The following RNF130 variants were observed in gnomAD, a reference collection of about 807,000 sequenced individuals.
RNF130 encodes E3 ubiquitin-protein ligase RNF130.
A neutral mutation model predicts 44.6 loss-of-function variants in RNF130; 21 were observed. That is an observed-to-expected ratio of 0.47 (90% CI 0.33 to 0.68). The LOEUF (loss-of-function observed/expected upper bound fraction) is 0.68, where lower values mean the gene tolerates loss of function less well. Ranked by LOEUF, RNF130 falls within the 30% of genes least tolerant of loss-of-function variation. RNF130 has a pLI of 0.02. For missense variants in RNF130, 479 were observed against 560.6 expected (o/e 0.85, Z 1.47); for synonymous variants, 214 against 210.4 (o/e 1.02, Z -0.15).
At chr5:179,998,857 T>TA (rs1554103671) in intron 3 of RNF130, among the ~76,000 whole-genome samples, 5 of 65,214 alleles carry the variant, frequency 7.7e-5, no homozygotes, top group African/African-American at 3.2e-4. Context: ...ATCTAGTATT[T>TA]TTTATATATA....
chr5:179,976,901 G>A (rs1480750270), intron 5 of RNF130: 1 of 152,174 alleles, frequency 6.6e-6, no homozygotes, highest in Non-Finnish European at 1.5e-5. Flanking sequence ...CTTCTTGGCA[G>A]GTGATTTCCT....
intron 1 of RNF130, among the ~76,000 whole-genome samples, chr5:180,055,440 T>TCTGTGTG (rs57927481): frequency 0.57 from 86,134 of 150,612 alleles, 24,715 homozygotes; most frequent in South Asian, 0.64. Flanking sequence ...TCAGATGACT[T>TCTGTGTG]TGTGTGTGTG....
intron 7 of RNF130, among the ~76,000 whole-genome samples, chr5:179,935,031 T>G (rs1388988805): frequency 6.6e-6 from 1 of 152,244 alleles, no homozygotes; most frequent in Non-Finnish European, 1.5e-5. Context: ...TACGTAAGTT[T>G]TGATATGTCA....
intron 8 of RNF130, among the ~76,000 whole-genome samples, chr5:179,958,871 G>T (rs746018925): frequency 7.9e-5 from 12 of 152,020 alleles, no homozygotes; most frequent in Non-Finnish European, 1.0e-4. Context: ...AGTAGAGATG[G>T]GGCTTCACCG....
intron 7 of RNF130, among the ~76,000 whole-genome samples, chr5:179,945,675 G>A (rs1246560946): frequency 6.6e-6 from 1 of 152,158 alleles, no homozygotes; most frequent in East Asian, 1.9e-4. Flanking sequence ...GAATGTATCG[G>A]AGGTGCAGGT....
intron 7 of RNF130, among the ~76,000 whole-genome samples, chr5:179,949,400 T>C (rs1418082803): frequency 5.9e-5 from 9 of 151,864 alleles, no homozygotes; most frequent in Non-Finnish European, 1.3e-4. Flanking sequence ...CTAGGGCTTA[T>C]AAGAACAAGC....
At chr5:179,963,439 C>T (rs774977926) in intron 8 of RNF130, 32 bp downstream of exon 8, 2 of 1,532,496 alleles carry the variant, frequency 1.3e-6, no homozygotes, top group African/African-American at 2.7e-5. Context: ...GATCATCTGG[C>T]ACATGCAATC....
chr5:180,071,118 C>T (rs2113201403), intron 1 of RNF130, among the ~76,000 whole-genome samples: 1 of 152,324 alleles, frequency 6.6e-6, no homozygotes, highest in East Asian at 1.9e-4. Flanking sequence ...CTGAGACGTC[C>T]TCCCCATGAA....
intron 3 of RNF130, among the ~76,000 whole-genome samples, chr5:179,986,345 CT>C (rs34690283): frequency 6.6e-6 from 1 of 152,216 alleles, no homozygotes; most frequent in African/African-American, 2.4e-5. Context: ...AGCAATACAA[CT>C]TTTTCTTGTA....
intron 7 of RNF130, among the ~76,000 whole-genome samples, chr5:179,948,299 C>T (rs1464873718): frequency 6.6e-6 from 1 of 152,238 alleles, no homozygotes; most frequent in East Asian, 1.9e-4. Flanking sequence ...CAACAGTTAA[C>T]AGTTTCTTCC....
chr5:180,013,004 C>T (rs1483845609), intron 3 of RNF130, 57 bp downstream of exon 3: 3 of 1,557,718 alleles, frequency 1.9e-6, no homozygotes, highest in Non-Finnish European at 2.6e-6. Context: ...ATGGTCACGA[C>T]AGATGACTGT....
intron 3 of RNF130, 127 bp downstream of exon 3, chr5:180,012,934 T>G: frequency 9.2e-7 from 1 of 1,091,706 alleles, no homozygotes; most frequent in Non-Finnish European, 1.3e-6. Flanking sequence ...TCCAACATAT[T>G]AAAATGACTG....
chr5:180,051,439 C>T (rs944846716), intron 1 of RNF130, among the ~76,000 whole-genome samples: 4 of 151,816 alleles, frequency 2.6e-5, no homozygotes, highest in East Asian at 1.9e-4. Flanking sequence ...TTAGTAGAGA[C>T]GGGGTTTCAC....
intron 2 of RNF130, among the ~76,000 whole-genome samples, chr5:180,016,712 C>A (rs1297084509): frequency 1.3e-5 from 2 of 152,228 alleles, no homozygotes; most frequent in African/African-American, 4.8e-5. Context: ...TCTATTCTTT[C>A]CACTTTCATC....
intron 3 of RNF130, among the ~76,000 whole-genome samples, chr5:179,995,509 C>T (rs1763180817): frequency 6.6e-6 from 1 of 152,204 alleles, no homozygotes; most frequent in African/African-American, 2.4e-5. Context: ...TCTGCTGCTG[C>T]TGCTAGGCCA....
intron 3 of RNF130, among the ~76,000 whole-genome samples, chr5:179,999,539 C>T (rs955967313): frequency 3.3e-5 from 5 of 151,716 alleles, no homozygotes; most frequent in African/African-American, 9.7e-5. Context: ...CTGGCCAACA[C>T]GGTGAAACCC....
chr5:179,948,654 G>C (rs1762080956), intron 7 of RNF130, among the ~76,000 whole-genome samples: 1 of 152,152 alleles, frequency 6.6e-6, no homozygotes, highest in Non-Finnish European at 1.5e-5. Context: ...CTGGATGATA[G>C]ATAGAGCGAG....
intron 7 of RNF130, chr5:179,939,775 G>A: frequency 2.4e-6 from 1 of 419,026 alleles, no homozygotes; most frequent in South Asian, 2.0e-5. Context: ...CGACTCCTTT[G>A]ATTCCCAAAA....
downstream of RNF130, among the ~76,000 whole-genome samples, chr5:179,950,522 G>T (rs1356335832): frequency 6.6e-6 from 1 of 152,170 alleles, no homozygotes; most frequent in Admixed American, 6.5e-5. Context: ...TACCTTCATG[G>T]TTACTGAGAC....
Sources: gnomAD v4.1 joint callset for allele counts (sites outside exome capture counted in the v4.1 genomes callset) on GRCh38, gnomAD v4.1.1 for gene constraint, MANE v1.5 for transcripts, NCBI Gene and HGNC (gene_info 2026-07-23, HGNC 2026-07-21) for gene names.